The following TIMM23 variants were observed in gnomAD, a reference collection of about 807,000 sequenced individuals.
TIMM23 encodes the protein mitochondrial import inner membrane translocase subunit Tim23.
TIMM23 carries 19 observed loss-of-function variants against 30.7 expected under a neutral mutation model. The observed-to-expected ratio is 0.62, with a 90% CI of 0.43 to 0.91. The LOEUF (loss-of-function observed/expected upper bound fraction) is 0.91. Ranked by LOEUF, TIMM23 falls within the 40% of genes least tolerant of loss-of-function variation. The pLI is 0.00. For missense variants in TIMM23, 202 were observed against 269.2 expected, an observed-to-expected ratio of 0.75 and a Z score of 1.75; for synonymous variants, 78 against 98.5, an observed-to-expected ratio of 0.79 and a Z score of 1.23.
At chr10:45,979,821 AT>A (rs1469510245) in intron 2 of TIMM23, among the ~76,000 whole-genome samples, 1 of 151,764 alleles carries the variant, frequency 6.6e-6, no homozygotes, top group Non-Finnish European at 1.5e-5. Context: ...GTGTTCATTG[AT>A]TTTTTTACTT....
intron 6 of TIMM23, among the ~76,000 whole-genome samples, chr10:45,999,562 G>C (rs1400491366): frequency 2.6e-5 from 4 of 152,016 alleles, no homozygotes; most frequent in Non-Finnish European, 5.9e-5. Context: ...AATAGGTGTG[G>C]GTCAGAGACA....
intron 2 of TIMM23, among the ~76,000 whole-genome samples, chr10:45,979,951 T>C (rs1268537977): frequency 3.3e-5 from 5 of 152,168 alleles, no homozygotes; most frequent in Admixed American, 2.6e-4. Context: ...TCAATATCAT[T>C]GTGGCCCTGC....
intron 2 of TIMM23, among the ~76,000 whole-genome samples, chr10:45,978,750 TAG>T (rs1837751492): frequency 1.3e-5 from 2 of 152,072 alleles, no homozygotes; most frequent in African/African-American, 2.4e-5. Context: ...GTGTTAAAAA[TAG>T]AGTTACCTTA....
At chr10:46,000,277 A>G (rs1554917459) in intron 6 of TIMM23, among the ~76,000 whole-genome samples, 1 of 152,238 alleles carries the variant, frequency 6.6e-6, no homozygotes, top group Non-Finnish European at 1.5e-5. Context: ...GATTGCAGTA[A>G]AGACAGGCAT....
chr10:45,973,164 T>C (rs1837549258), intron 1 of TIMM23, among the ~76,000 whole-genome samples: 1 of 79,852 alleles, frequency 1.3e-5, no homozygotes, highest in Admixed American at 1.6e-4. Context: ...TTCAGTAATA[T>C]TGTTTGTAAG....
intron 2 of TIMM23, among the ~76,000 whole-genome samples, 157 bp from the exon 3 acceptor site, chr10:45,982,366 T>TA (rs1837875257): frequency 6.6e-6 from 1 of 152,246 alleles, no homozygotes; most frequent in Non-Finnish European, 1.5e-5. Flanking sequence ...ATTTAGGTGT[T>TA]ACTGCTGCAG....
At chr10:45,980,059 T>C (rs1837798837) in intron 2 of TIMM23, among the ~76,000 whole-genome samples, 1 of 151,408 alleles carries the variant, frequency 6.6e-6, no homozygotes, top group Non-Finnish European at 1.5e-5. Context: ...TAATCTTCCA[T>C]TGGAATTCTA....
At position 45,982,593 on chromosome 10, in the gene TIMM23, C is replaced by T. The variant is rs1162312833; in HGVS notation, c.236C>T (p.Thr79Met). ...TRGRFELAFF[T>M]IGGCCMTGAA... ...GGCAGATTTGAGCTGGCCTTCTTTACGATTGGAGGATGTTGCATGACAGGT... is the reference window on the plus strand; with the variant it reads ...GGCAGATTTGAGCTGGCCTTCTTTATGATTGGAGGATGTTGCATGACAGGT... Residue 79 changes from threonine (T) to methionine (M), a missense_variant, in exon 3 of 7, where the codon ACG becomes ATG. Transcript: ENST00000580018. 1.1e-5 allele frequency: 17 copies of T among 1,613,642 alleles called. No individual in the cohort carries two copies. In the South Asian group the frequency reaches 1.1e-4, roughly 10 times the overall value.
chr10:45,975,121 C>T (rs1340431840), intron 1 of TIMM23, among the ~76,000 whole-genome samples: 2 of 152,202 alleles, frequency 1.3e-5, no homozygotes, highest in Non-Finnish European at 1.5e-5. Flanking sequence ...TACATAGTCA[C>T]CAAGCATTCT....
At chr10:46,002,817 T>C (rs929983049) in intron 6 of TIMM23, among the ~76,000 whole-genome samples, 1 of 141,682 alleles carries the variant, frequency 7.1e-6, no homozygotes, top group Non-Finnish European at 1.5e-5. Context: ...AGTATTTTTT[T>C]TTTTTTTTTT....
intron 6 of TIMM23, among the ~76,000 whole-genome samples, chr10:45,997,376 TAGTC>T (rs1838375797): frequency 6.6e-6 from 1 of 152,138 alleles, no homozygotes; most frequent in African/African-American, 2.4e-5. Flanking sequence ...GTACTTAGAA[TAGTC>T]AGATTCATGT....
At chr10:45,977,533 G>C (rs1837710320) in intron 2 of TIMM23, among the ~76,000 whole-genome samples, 1 of 152,126 alleles carries the variant, frequency 6.6e-6, no homozygotes, top group African/African-American at 2.4e-5. Context: ...TGCACCATAT[G>C]CAAAATGTTA....
intron 1 of TIMM23, among the ~76,000 whole-genome samples, chr10:45,974,204 C>T (rs1204516512): frequency 6.6e-6 from 1 of 151,536 alleles, no homozygotes; most frequent in African/African-American, 2.4e-5. Flanking sequence ...CTTGCGCTCA[C>T]AGAGCTTACA....
chr10:45,979,249 C>T (rs1399028654), intron 2 of TIMM23, among the ~76,000 whole-genome samples: 1 of 152,178 alleles, frequency 6.6e-6, no homozygotes, highest in Non-Finnish European at 1.5e-5. Flanking sequence ...GAATTGTACG[C>T]TCTAAGTAAG....
At chr10:45,980,801 G>T (rs1201874782) in intron 2 of TIMM23, among the ~76,000 whole-genome samples, 4 of 151,618 alleles carry the variant, frequency 2.6e-5, no homozygotes, top group Admixed American at 2.6e-4. Flanking sequence ...CCTTGTTTGT[G>T]TGTGAATTGA....
intron 2 of TIMM23, among the ~76,000 whole-genome samples, chr10:45,975,764 G>A (rs1156716355): frequency 6.6e-6 from 1 of 152,120 alleles, no homozygotes; most frequent in African/African-American, 2.4e-5. Context: ...AAAAGTATTG[G>A]GATGCCTAGT....
chr10:45,992,434 C>G (rs1838191585), intron 6 of TIMM23: 1 of 456,008 alleles, frequency 2.2e-6, no homozygotes, highest in Admixed American at 2.3e-5. Context: ...GCATTAACAT[C>G]TCAATATGCG....
At chr10:45,977,301 T>C (rs2132244126) in intron 2 of TIMM23, among the ~76,000 whole-genome samples, 1 of 150,696 alleles carries the variant, frequency 6.6e-6, no homozygotes, top group South Asian at 2.1e-4. Context: ...GAAAATAGAT[T>C]GGAGGACTTG....
Position 45,972,530 on chromosome 10 carries a change from A to G in TIMM23, c.-95A>G, listed in dbSNP as rs1332577426. The G allele has an allele frequency of 2.0e-6, 3 of 1,491,754 alleles. No individual in the cohort carries two copies. Among genetic ancestry groups the G allele is most frequent in the Non-Finnish European group, 2.7e-6 (3 of 1,113,866 alleles). 92.4% of individuals were successfully genotyped at this position (1,491,754 alleles called of 1,614,324 possible). On this transcript the variant is annotated 5_prime_UTR_variant, in exon 1 of 7. Transcript: ENST00000580018. The stretch of plus-strand genomic sequence containing the variant: ...GTCAGCGTGTGAAGTAGGCGCTGGC[A>G]ACGCGGGGTTACCCGCTGTTATTGA...
Sources: allele counts gnomAD v4.1 joint callset (sites outside exome capture counted in the v4.1 genomes callset), GRCh38; gene constraint gnomAD v4.1.1; transcripts MANE v1.5; gene names NCBI Gene and HGNC (gene_info 2026-07-23, HGNC 2026-07-21).